The following BMPER variants were observed in gnomAD, a reference collection of about 807,000 sequenced individuals.
BMPER encodes BMP-binding endothelial regulator protein.
BMPER carries 45 observed loss-of-function variants against 87.3 expected under a neutral mutation model. The ratio of observed to expected loss-of-function variants is 0.52; its 90% CI spans 0.41 to 0.66. The LOEUF is 0.66. Ranked by LOEUF, BMPER falls within the 30% of genes least tolerant of loss-of-function variation. The pLI is 0.00. For synonymous variants in BMPER, 326 were observed against 316.2 expected, an observed-to-expected ratio of 1.03 and a Z score of -0.33; for missense variants, 784 against 867.5, an observed-to-expected ratio of 0.90 and a Z score of 1.21.
intron 2 of BMPER, among the ~76,000 whole-genome samples, chr7:33,926,544 TGCAAATCTG>T (rs1228236815): frequency 6.6e-6 from 1 of 152,370 alleles, no homozygotes; most frequent in East Asian, 1.9e-4. Flanking sequence ...ATGGATTATT[TGCAAATCTG>T]GCTTTCTTTG....
At chr7:34,007,411 C>T (rs985131466) in intron 6 of BMPER, among the ~76,000 whole-genome samples, 4 of 151,974 alleles carry the variant, frequency 2.6e-5, no homozygotes, top group African/African-American at 7.2e-5. Context: ...TTCTACTCAC[C>T]AGTATTGCTT....
intron 13 of BMPER, among the ~76,000 whole-genome samples, chr7:34,117,775 A>C (rs1790154462): frequency 6.6e-6 from 1 of 152,210 alleles, no homozygotes; most frequent in African/African-American, 2.4e-5. Context: ...GGTTCTGCCA[A>C]TTTGGCATCA....
At chr7:34,064,606 G>T (rs1017108594) in intron 11 of BMPER, among the ~76,000 whole-genome samples, 1 of 152,188 alleles carries the variant, frequency 6.6e-6, no homozygotes, top group African/African-American at 2.4e-5. Context: ...CAATTGGCAA[G>T]GGAGAAGGCC....
intron 13 of BMPER, among the ~76,000 whole-genome samples, chr7:34,110,105 G>C (rs17825186): frequency 0.17 from 25,311 of 152,182 alleles, 2,351 homozygotes; most frequent in Non-Finnish European, 0.2. Context: ...GTGTGTCAAG[G>C]TTTCCGCTGG....
chr7:34,102,724 A>C (rs1467026902), intron 13 of BMPER, among the ~76,000 whole-genome samples: 2 of 152,154 alleles, frequency 1.3e-5, no homozygotes, highest in Non-Finnish European at 2.9e-5. Flanking sequence ...TTTGCACCAG[A>C]CGCTCTGCTA....
chr7:33,921,988 G>T, intron 2 of BMPER: 1 of 389,834 alleles, frequency 2.6e-6, no homozygotes, highest in South Asian at 1.8e-5. Flanking sequence ...CTTACAGCCA[G>T]CAGGTCCCTT....
intron 3 of BMPER, among the ~76,000 whole-genome samples, chr7:33,959,198 A>G (rs1015430142): frequency 6.6e-6 from 1 of 152,202 alleles, no homozygotes; most frequent in Non-Finnish European, 1.5e-5. Flanking sequence ...TTATGAGAAT[A>G]AAATTAAGTC....
chr7:34,106,967 A>T (rs928131473), intron 13 of BMPER, among the ~76,000 whole-genome samples: 4 of 152,178 alleles, frequency 2.6e-5, no homozygotes, highest in African/African-American at 9.7e-5. Flanking sequence ...CCAGTCACAC[A>T]TGCTTTTTCT....
chr7:34,137,330 A>G (rs1583472365), intron 13 of BMPER, among the ~76,000 whole-genome samples: 2 of 152,368 alleles, frequency 1.3e-5, no homozygotes, highest in Non-Finnish European at 2.9e-5. Context: ...TGGCCGTATT[A>G]AGCAGTGGCC....
chr7:33,913,524 G>A (rs1191044094), intron 2 of BMPER, among the ~76,000 whole-genome samples: 1 of 152,198 alleles, frequency 6.6e-6, no homozygotes, highest in Non-Finnish European at 1.5e-5. Flanking sequence ...CCTGGAGTAG[G>A]GGTGGGCAGT....
intron 2 of BMPER, among the ~76,000 whole-genome samples, chr7:33,917,768 T>C (rs1194689599): frequency 6.6e-6 from 1 of 152,200 alleles, no homozygotes; most frequent in Non-Finnish European, 1.5e-5. Context: ...AGATAATATT[T>C]GACCAGATGA....
chr7:34,035,045 G>A (rs1172395948), intron 6 of BMPER, among the ~76,000 whole-genome samples: 1 of 152,122 alleles, frequency 6.6e-6, no homozygotes, highest in African/African-American at 2.4e-5. Flanking sequence ...GCCTAGATTA[G>A]GATAGTCCCA....
At chr7:33,940,886 A>C (rs1056482226) in intron 3 of BMPER, among the ~76,000 whole-genome samples, 4 of 140,978 alleles carry the variant, frequency 2.8e-5, no homozygotes, top group Non-Finnish European at 6.1e-5. Flanking sequence ...ATATTTATAT[A>C]TAATAGAATT....
intron 6 of BMPER, among the ~76,000 whole-genome samples, chr7:33,984,411 G>A (rs144713088): frequency 0.13 from 19,110 of 151,798 alleles, 1,617 homozygotes; most frequent in Admixed American, 0.23. Flanking sequence ...GTTGCAGTGA[G>A]CCGAGATCAT....
intron 1 of BMPER, 43 bp downstream of exon 1, chr7:33,905,789 TTTGGTACCTGGGAAAG>T: frequency 1.9e-6 from 3 of 1,545,922 alleles, no homozygotes; most frequent in Non-Finnish European, 1.8e-6. Context: ...GGGACGCCGG[TTTGGTACCTGGGAAAG>T]GTGGCGCTGG....
chr7:33,928,877 A>T (rs1784420243), intron 2 of BMPER, among the ~76,000 whole-genome samples: 1 of 152,166 alleles, frequency 6.6e-6, no homozygotes, highest in Non-Finnish European at 1.5e-5. Flanking sequence ...TATCATCAGA[A>T]CATCGTCTTT....
At chr7:34,144,157 T>G in intron 14 of BMPER, among the ~76,000 whole-genome samples, 1 of 149,958 alleles carries the variant, frequency 6.7e-6, no homozygotes, top group Admixed American at 6.6e-5. Context: ...CCTGAAGGAG[T>G]GAAGGGAGTG....
At chr7:33,988,249 T>C (rs906364749) in intron 6 of BMPER, among the ~76,000 whole-genome samples, 4 of 152,190 alleles carry the variant, frequency 2.6e-5, no homozygotes, top group Admixed American at 6.5e-5. Flanking sequence ...TAGGAGTGAC[T>C]CTTTTTTGAC....
At chr7:33,918,869 G>A (rs906192409) in intron 2 of BMPER, among the ~76,000 whole-genome samples, 1 of 152,206 alleles carries the variant, frequency 6.6e-6, no homozygotes, top group East Asian at 1.9e-4. Flanking sequence ...CCTTAGAGGT[G>A]ACTCAAATGA....
Sources: gnomAD v4.1 joint callset for allele counts (sites outside exome capture counted in the v4.1 genomes callset) on GRCh38, gnomAD v4.1.1 for gene constraint, MANE v1.5 for transcripts, NCBI Gene and HGNC (gene_info 2026-07-23, HGNC 2026-07-21) for gene names.